The following CFAP46 variants were observed in gnomAD, a reference collection of about 807,000 sequenced individuals.
The protein encoded by CFAP46 is cilia- and flagella-associated protein 46.
Under a neutral mutation model 325.7 loss-of-function variants are expected in CFAP46, and 245 were observed. The observed-to-expected ratio is 0.75, with a 90% CI of 0.68 to 0.84. CFAP46 has a LOEUF of 0.84. CFAP46 is among the 40% of genes least tolerant of loss of function. The pLI is 0.00. For synonymous variants in CFAP46, 1,523 were observed against 1,495.9 expected (o/e 1.02, Z -0.42); for missense variants, 3,346 against 3,543.0 (o/e 0.94, Z 1.41).
intron 50 of CFAP46, among the ~76,000 whole-genome samples, chr10:132,815,191 C>T (rs1847669974): frequency 1.3e-5 from 2 of 152,178 alleles, no homozygotes; most frequent in South Asian, 4.1e-4. Context: ...TGGGTACTCA[C>T]CAGTGTGCCT....
intron 41 of CFAP46, 83 bp downstream of exon 41, chr10:132,850,161 A>G: frequency 7.5e-7 from 1 of 1,328,414 alleles, no homozygotes; most frequent in South Asian, 1.3e-5. Context: ...CAATCACAGG[A>G]GTCCTAAACA....
At chr10:132,928,047 C>T (rs894688158) in intron 9 of CFAP46, among the ~76,000 whole-genome samples, 21 of 152,202 alleles carry the variant, frequency 1.4e-4, no homozygotes, top group Non-Finnish European at 1.9e-4. Flanking sequence ...GCAGGGGCCA[C>T]GGGCGGTGGG....
intron 39 of CFAP46, among the ~76,000 whole-genome samples, chr10:132,852,966 T>G (rs1052893823): frequency 6.6e-6 from 1 of 152,248 alleles, no homozygotes; most frequent in African/African-American, 2.4e-5. Flanking sequence ...TGCATAGGAC[T>G]GTGTATGCAG....
intron 31 of CFAP46, 74 bp from the exon 32 acceptor site, chr10:132,872,898 G>T (rs1238202325): frequency 6.6e-7 from 1 of 1,508,092 alleles, no homozygotes; most frequent in Admixed American, 2.0e-5. Flanking sequence ...TCTTTCCTCA[G>T]AGAACTCCCT....
rs952698875 is a variant in CFAP46, at chr10:132,889,310, C to T, written c.3304+3023G>A. On this transcript the variant is annotated intron_variant, in intron 25 of 57. Coordinates refer to ENST00000368586, the MANE Select transcript of CFAP46 (RefSeq NM_001200049.3). This position sits in a 1 kb window ranked among gnomAD's most constrained non-coding sequence, Gnocchi z 6.0. ...TGAGACTGCATTCTCCAGAGCCGAC[C>T]GGCTGGGTCTAGGGAGCAGAGGTGC... is the stretch of plus-strand genomic sequence containing the variant. 2.0e-5 allele frequency among the ~76,000 whole-genome samples: 3 copies of T among 152,204 alleles called. No individual in the cohort carries two copies. Among genetic ancestry groups the T allele is most frequent in the Admixed American group, 1.3e-4 (2 of 15,286 alleles).
In CFAP46 at chr10:132,836,192, T is replaced by G. The variant is rs761557304; in HGVS notation, c.6563A>C (p.Glu2188Ala). ...GGCTGCAGTAATGAACTTGGGTTTC[T>G]CGTAGGCAGCGCCGTACAGACGGGA... The part of the protein sequence containing the change: ...DRSRLYGAAY[E>A]KPKFITAAKG... The change falls in exon 46 of 58, where the codon GAG becomes GCG. Residue 2188 changes from glutamate to alanine, a missense_variant. Physicochemically the swap from Glu to Ala is moderately radical, Grantham distance 107 (BLOSUM62 -1). Coordinates refer to ENST00000368586, the MANE Select transcript of CFAP46 (RefSeq NM_001200049.3). The G allele has an allele frequency of 1.9e-6, 3 of 1,610,602 alleles. No homozygotes were observed. The highest frequency in any genetic ancestry group is 2.5e-6 in the Non-Finnish European group (3 of 1,179,514).
chr10:132,935,207 G>C (rs923885726), intron 7 of CFAP46, among the ~76,000 whole-genome samples: 5 of 152,058 alleles, frequency 3.3e-5, no homozygotes, highest in African/African-American at 1.2e-4. Context: ...CTCTCTCCCA[G>C]GGATGCTGCC....
At chr10:132,887,010 CCTCT>C (rs995571631) in intron 25 of CFAP46, among the ~76,000 whole-genome samples, 3 of 151,702 alleles carry the variant, frequency 2.0e-5, no homozygotes, top group African/African-American at 4.8e-5. Flanking sequence ...CTCTCTCTCG[CCTCT>C]CTCTCTGCTC....
At chr10:132,822,228 CGGT>C (rs1348651065) in intron 50 of CFAP46, among the ~76,000 whole-genome samples, 4 of 85,310 alleles carry the variant, frequency 4.7e-5, no homozygotes, top group Admixed American at 1.3e-4. Context: ...GTGCTGTGTG[CGGT>C]GATGTGTGCT....
rs540923565 is a variant in CFAP46, at chr10:132,873,548, G to A, written c.4363-724C>T. On this transcript the variant is annotated intron_variant, in intron 31 of 57. Coordinates refer to ENST00000368586, the MANE Select transcript of CFAP46 (RefSeq NM_001200049.3). ...GCAGCTGAGGGCCCCATGGTGCTCC[G>A]CATCGTGCTGCAGGCTGGGCTTAGA... Among the ~76,000 whole-genome samples, 8 of 152,228 alleles carry A rather than the reference G, an allele frequency of 5.3e-5. No individual in the cohort carries two copies. The South Asian group carries it at 6.2e-4, about 12-fold the overall frequency.
chr10:132,837,714 T>C (rs1289075518), intron 44 of CFAP46, among the ~76,000 whole-genome samples: 3 of 106,740 alleles, frequency 2.8e-5, no homozygotes, highest in Admixed American at 9.5e-5. Flanking sequence ...CACACAGACA[T>C]GCACGGACAC....
intron 17 of CFAP46, among the ~76,000 whole-genome samples, chr10:132,916,096 G>C (rs183673591): frequency 6.6e-6 from 1 of 152,168 alleles, no homozygotes; most frequent in East Asian, 1.9e-4. Context: ...GCGTTTTCGA[G>C]GCCAAGGCAG....
At position 132,938,754 on chromosome 10, in the gene CFAP46, C is replaced by A. The variant is rs145400214; in HGVS notation, c.372-1G>T. The A allele has an allele frequency of 6.2e-7, 1 of 1,610,866 alleles. No homozygotes were observed. Among genetic ancestry groups the A allele is most frequent in the Non-Finnish European group, 8.5e-7 (1 of 1,178,588 alleles). On this transcript the variant is annotated splice_acceptor_variant, in intron 4 of 57. Coordinates refer to ENST00000368586, the MANE Select transcript of CFAP46 (RefSeq NM_001200049.3). LOFTEE classifies it high-confidence loss of function. ...TGCATTGTACACCAAAAAGTAGTAC[C>A]TGCGGCGCGAGCAGAGGAAGCAGAG...
At chr10:132,890,177 G>A (rs1405624720) in intron 25 of CFAP46, among the ~76,000 whole-genome samples, 1 of 151,720 alleles carries the variant, frequency 6.6e-6, no homozygotes, top group Non-Finnish European at 1.5e-5. Context: ...CCTCTGCCCG[G>A]GTCACATTCT....
intron 1 of CFAP46, 125 bp from the exon 2 acceptor site, chr10:132,942,229 T>G: frequency 7.5e-7 from 1 of 1,336,882 alleles, no homozygotes; most frequent in South Asian, 1.5e-5. Flanking sequence ...CGTCAGAACC[T>G]GTCGCCGCCA....
At chr10:132,898,248 G>A (rs1220747196) in intron 24 of CFAP46, among the ~76,000 whole-genome samples, 3 of 152,186 alleles carry the variant, frequency 2.0e-5, no homozygotes, top group Non-Finnish European at 4.4e-5. Context: ...ACAGACCTGT[G>A]AGCCAGGAGC....
Position 132,920,133 on chromosome 10 carries a change from C to T in CFAP46, c.1656G>A (p.Ala552=), listed in dbSNP as rs939052918. The T allele has an allele frequency of 6.9e-5, 107 of 1,548,956 alleles. No homozygotes were observed. The highest frequency in any genetic ancestry group is 8.7e-5 in the Non-Finnish European group (100 of 1,146,460). The change falls in exon 14 of 58, where the codon GCG becomes GCA. Residue 552 remains alanine (A), a synonymous_variant. Coordinates refer to ENST00000368586, the MANE Select transcript of CFAP46 (RefSeq NM_001200049.3). The stretch of plus-strand genomic sequence containing the variant: ...TGTCCACGCTGACGGTGTGGTGCCA[C>T]GCCTTCGCACAGAGGTAGGTGAACC... The part of the protein sequence containing the change: ...RGRFTYLCAK[A]WHHTVSVDKA...
chr10:132,935,315 T>C (rs12217396), intron 7 of CFAP46, among the ~76,000 whole-genome samples: 1,729 of 97,532 alleles, frequency 0.018, 21 homozygotes, highest in South Asian at 0.022. Context: ...ACTGCGATCT[T>C]CTCATTCCCC....
rs138225582 is a variant in CFAP46 at position 132,827,252 on chromosome 10, G to A, written c.7117+6106C>T. Among the ~76,000 whole-genome samples, 21 of 152,218 alleles carry A rather than the reference G, an allele frequency of 1.4e-4. No individual in the cohort carries two copies. Among genetic ancestry groups the A allele is most frequent in the African/African-American group, 2.6e-4 (11 of 41,542 alleles). ...GGCCGGAGGGACCAGCCACAGTTCC[G>A]AGAAGGGGCTGACCGTGGCCTGTGA... On this transcript the variant is annotated intron_variant, in intron 50 of 57. Transcript: ENST00000368586. The surrounding 1 kb of genome is among the most constrained non-coding windows in gnomAD (Gnocchi z 5.7).
Sources: allele counts gnomAD v4.1 joint callset (sites outside exome capture counted in the v4.1 genomes callset), GRCh38; gene constraint gnomAD v4.1.1; non-coding constraint Gnocchi (gnomAD v3.1); transcripts MANE v1.5; gene names NCBI Gene and HGNC (gene_info 2026-07-23, HGNC 2026-07-21).